The following IL12RB2 variants were observed in gnomAD, a reference collection of about 807,000 sequenced individuals.
IL12RB2 encodes interleukin 12 receptor subunit beta 2.
IL12RB2 carries 82 observed loss-of-function variants against 89.4 expected under a neutral mutation model. The ratio of observed to expected loss-of-function variants is 0.92; its 90% CI spans 0.77 to 1.10. IL12RB2 has a LOEUF of 1.10. Ranked by LOEUF, IL12RB2 falls within the 50% of genes least tolerant of loss-of-function variation. IL12RB2 has a pLI of 0.00. For synonymous variants in IL12RB2, 368 were observed against 370.1 expected, an observed-to-expected ratio of 0.99 and a Z score of 0.07; for missense variants, 963 against 1,031.9, an observed-to-expected ratio of 0.93 and a Z score of 0.92.
intron 15 of IL12RB2, among the ~76,000 whole-genome samples, chr1:67,389,401 G>A (rs1570217820): frequency 6.6e-6 from 1 of 151,068 alleles, no homozygotes; most frequent in African/African-American, 2.4e-5. Context: ...TATTGTTCAT[G>A]AACTTTAAAA....
intron 2 of IL12RB2, among the ~76,000 whole-genome samples, chr1:67,316,807 C>T (rs777473834): frequency 1.3e-5 from 2 of 152,200 alleles, no homozygotes; most frequent in Non-Finnish European, 2.9e-5. Context: ...CTCCTGCAAA[C>T]GCCTTTGTTG....
chr1:67,324,643 G>A (rs1053287119), intron 4 of IL12RB2, among the ~76,000 whole-genome samples: 6 of 152,316 alleles, frequency 3.9e-5, no homozygotes, highest in Non-Finnish European at 5.9e-5. Flanking sequence ...GAGCCACTGT[G>A]CCTGGCCCAG....
chr1:67,314,863 T>C (rs1451710334), intron 2 of IL12RB2, among the ~76,000 whole-genome samples: 1 of 138,410 alleles, frequency 7.2e-6, no homozygotes, highest in Non-Finnish European at 1.5e-5. Context: ...TGAGACGTTG[T>C]TTTCACCATC....
In IL12RB2 at chr1:67,335,095, A is replaced by ATAAT. The variant is rs61624883; in HGVS notation, c.959-3527_959-3524dup. Among the ~76,000 whole-genome samples, 940 of 152,354 alleles carry ATAAT rather than the reference A, an allele frequency of 6.2e-3. 10 individuals are homozygous for ATAAT. Among genetic ancestry groups the ATAAT allele is most frequent in the African/African-American group, 0.021 (885 of 41,580 alleles). On this transcript the variant is annotated intron_variant, in intron 8 of 16. Transcript: ENST00000674203. ...GCACCTATCTTGGAAGGAAGGAATGATAATTCAGAACTCTTTTCAAGAAGT... is the reference window on the plus strand; with the variant it reads ...GCACCTATCTTGGAAGGAAGGAATGATAATTAATTCAGAACTCTTTTCAAGAAGT...
chr1:67,386,538 G>T, intron 14 of IL12RB2, 41 bp from the exon 15 acceptor site: 2 of 1,332,586 alleles, frequency 1.5e-6, no homozygotes, highest in Non-Finnish European at 1.1e-6. Flanking sequence ...AATGTTCATT[G>T]GTGATAACTC....
intron 3 of IL12RB2, among the ~76,000 whole-genome samples, chr1:67,320,876 C>T (rs886736930): frequency 1.3e-5 from 2 of 151,872 alleles, no homozygotes; most frequent in East Asian, 1.9e-4. Flanking sequence ...TCTCCTAATG[C>T]TATCCCTCCC....
intron 4 of IL12RB2, among the ~76,000 whole-genome samples, chr1:67,324,984 G>T (rs770690660): frequency 1.4e-4 from 21 of 152,254 alleles, no homozygotes; most frequent in Non-Finnish European, 1.5e-4. Context: ...GAATCAGAGA[G>T]AACTAGCTCA....
chr1:67,378,719 G>A (rs962149967), intron 13 of IL12RB2, among the ~76,000 whole-genome samples: 2 of 151,264 alleles, frequency 1.3e-5, no homozygotes, highest in Non-Finnish European at 1.5e-5. Context: ...GCATGGTGGC[G>A]TGTGCCTATA....
At chr1:67,365,418 A>G (rs796261833) in intron 10 of IL12RB2, among the ~76,000 whole-genome samples, 4 of 151,846 alleles carry the variant, frequency 2.6e-5, no homozygotes, top group African/African-American at 9.7e-5. Context: ...AAAGAGAGAA[A>G]GAGGATGAAA....
At chr1:67,360,589 A>G (rs953951043) in intron 10 of IL12RB2, among the ~76,000 whole-genome samples, 1 of 152,026 alleles carries the variant, frequency 6.6e-6, no homozygotes, top group Non-Finnish European at 1.5e-5. Flanking sequence ...TGAGGTCAGG[A>G]GTTTGAGACC....
At chr1:67,348,975 C>T (rs1027540677) in intron 9 of IL12RB2, among the ~76,000 whole-genome samples, 9 of 152,092 alleles carry the variant, frequency 5.9e-5, no homozygotes, top group Non-Finnish European at 8.8e-5. Flanking sequence ...ATATGGGATG[C>T]GAAGGGGAAA....
intron 2 of IL12RB2, among the ~76,000 whole-genome samples, 157 bp from the exon 3 acceptor site, chr1:67,320,176 G>A (rs1006611725): frequency 2.0e-5 from 3 of 152,070 alleles, no homozygotes; most frequent in South Asian, 2.1e-4. Context: ...TAAGATATTC[G>A]ATTTACTAGT....
intron 8 of IL12RB2, among the ~76,000 whole-genome samples, chr1:67,331,369 G>A (rs1033259318): frequency 6.6e-6 from 1 of 152,036 alleles, no homozygotes; most frequent in African/African-American, 2.4e-5. Flanking sequence ...ACTATGAAAA[G>A]GATATCAAAT....
At chr1:67,345,848 CA>C (rs1169853004) in intron 9 of IL12RB2, among the ~76,000 whole-genome samples, 1 of 151,682 alleles carries the variant, frequency 6.6e-6, no homozygotes, top group Non-Finnish European at 1.5e-5. Context: ...GTGGCCAGTG[CA>C]AAAAAATAAG....
rs192298452 is a variant in IL12RB2 at position 67,364,085 on chromosome 1, T to A, written c.1259-3740T>A. On this transcript the variant is annotated intron_variant, in intron 10 of 16. Coordinates refer to ENST00000674203, the MANE Select transcript of IL12RB2 (RefSeq NM_001374259.2). ...CCCAACTATAGTTGTCTATAAGAAA[T>A]CAAATTTAAATATATAGACATATAG... Among the ~76,000 whole-genome samples, 705 of 152,240 alleles carry A rather than the reference T, an allele frequency of 4.6e-3. 6 individuals carry two copies. Among genetic ancestry groups the A allele is most frequent in the Non-Finnish European group, 5.7e-3 (391 of 68,002 alleles).
intron 15 of IL12RB2, among the ~76,000 whole-genome samples, chr1:67,389,197 A>G (rs1378908475): frequency 6.6e-6 from 1 of 152,124 alleles, no homozygotes; most frequent in African/African-American, 2.4e-5. Context: ...TTTTTGGCAT[A>G]CCATCCCTTA....
chr1:67,353,768 T>C (rs2100863664), intron 10 of IL12RB2, among the ~76,000 whole-genome samples: 1 of 152,340 alleles, frequency 6.6e-6, no homozygotes, highest in African/African-American at 2.4e-5. Context: ...GTGTATGTAA[T>C]TTTTAAAGTG....
At chr1:67,357,839 A>C (rs1256731967) in intron 10 of IL12RB2, among the ~76,000 whole-genome samples, 3 of 152,202 alleles carry the variant, frequency 2.0e-5, no homozygotes, top group Non-Finnish European at 4.4e-5. Context: ...ATAAGGTGTA[A>C]AAAAATGGGT....
At chr1:67,368,464 A>T (rs1662946900) in intron 11 of IL12RB2, among the ~76,000 whole-genome samples, 1 of 152,234 alleles carries the variant, frequency 6.6e-6, no homozygotes. Context: ...TATATAAATG[A>T]GGAAACCAGG....
Sources: allele counts gnomAD v4.1 joint callset (sites outside exome capture counted in the v4.1 genomes callset), GRCh38; gene constraint gnomAD v4.1.1; transcripts MANE v1.5; gene names NCBI Gene and HGNC (gene_info 2026-07-23, HGNC 2026-07-21).